Variants in PRKCE observed in about 807,000 individuals in gnomAD.
PRKCE encodes protein kinase C epsilon, also known as protein kinase C epsilon type.
PRKCE carries 16 observed loss-of-function variants against 85.4 expected under a neutral mutation model. The observed-to-expected ratio is 0.19, with a 90% CI of 0.13 to 0.28. PRKCE has a LOEUF of 0.28. Ranked by LOEUF, PRKCE falls within the 10% of genes least tolerant of loss-of-function variation. PRKCE has a pLI of 1.00. For missense variants in PRKCE, 573 were observed against 975.2 expected (o/e 0.59, Z 5.49); for synonymous variants, 388 against 371.5 (o/e 1.04, Z -0.51).
intron 1 of PRKCE, among the ~76,000 whole-genome samples, chr2:45,703,021 T>TCCG (rs1553382471): frequency 6.7e-6 from 1 of 150,082 alleles, no homozygotes; most frequent in South Asian, 2.1e-4. Flanking sequence ...AAGCCTTTTT[T>TCCG]CCCCCCCCGT....
intron 10 of PRKCE, among the ~76,000 whole-genome samples, chr2:46,030,410 C>A (rs560415042): frequency 6.6e-6 from 1 of 152,158 alleles, no homozygotes; most frequent in Non-Finnish European, 1.5e-5. Flanking sequence ...CCCAGAATAC[C>A]CCAAGTAGTG....
At chr2:46,014,167 A>G (rs1705927079) in intron 10 of PRKCE, among the ~76,000 whole-genome samples, 3 of 152,242 alleles carry the variant, frequency 2.0e-5, no homozygotes, top group South Asian at 4.1e-4. Flanking sequence ...AGACAGAACA[A>G]CAAATTAAGC....
chr2:46,001,650 T>G lies in PRKCE; in HGVS notation c.966+104T>G. 7.4e-7 allele frequency: 1 copy of G among 1,347,696 alleles called. No individual in the cohort carries two copies. Among genetic ancestry groups the G allele is most frequent in the Non-Finnish European group, 9.8e-7 (1 of 1,023,750 alleles). The allele number at this position is 1,347,696 out of a possible 1,614,324, so 83.5% of individuals were successfully genotyped here. A position where few individuals can be genotyped will look rare whatever the true frequency, so the allele number is the denominator to read the frequency against. On this transcript the variant is annotated intron_variant, in intron 7 of 14. Transcript: ENST00000306156. This position sits in a 1 kb window ranked among gnomAD's most constrained non-coding sequence, Gnocchi z 4.4. ...AGTGAGGTAATAAGATTCCTGGGTT[T>G]GAGGTATTTTACTCAGAACTGCAGT... is the stretch of plus-strand genomic sequence containing the variant.
intron 10 of PRKCE, among the ~76,000 whole-genome samples, chr2:46,080,379 G>T (rs1189551053): frequency 1.3e-5 from 2 of 152,170 alleles, no homozygotes; most frequent in Non-Finnish European, 2.9e-5. Context: ...ATGGAGCTTT[G>T]TTGAGTAGAA....
chr2:45,700,797 A>C (rs1377193308), intron 1 of PRKCE, among the ~76,000 whole-genome samples: 1 of 152,156 alleles, frequency 6.6e-6, no homozygotes, highest in Admixed American at 6.5e-5. Context: ...CGGATCCAAT[A>C]TGACTGGTGT....
intron 1 of PRKCE, among the ~76,000 whole-genome samples, chr2:45,703,910 T>C (rs145071039): frequency 6.6e-6 from 1 of 152,356 alleles, no homozygotes; most frequent in African/African-American, 2.4e-5. Flanking sequence ...ATATTACTGG[T>C]ATTGAAATGA....
At chr2:45,670,285 T>C (rs1348005161) in intron 1 of PRKCE, among the ~76,000 whole-genome samples, 1 of 152,164 alleles carries the variant, frequency 6.6e-6, no homozygotes, top group Admixed American at 6.5e-5. Context: ...ATAGGCTCCA[T>C]TTTTCTTTCT....
intron 11 of PRKCE, among the ~76,000 whole-genome samples, chr2:46,141,773 G>A (rs1043414461): frequency 2.0e-5 from 3 of 151,744 alleles, no homozygotes; most frequent in African/African-American, 7.3e-5. Context: ...AGTACACAGG[G>A]ACTAATATCT....
chr2:46,149,860 CTTT>C lies in PRKCE; in HGVS notation c.1732-1169_1732-1167del, dbSNP rs35154754. Among the ~76,000 whole-genome samples, 682 of 140,736 alleles carry C rather than the reference CTTT, an allele frequency of 4.8e-3. 10 individuals are homozygous for C. Among genetic ancestry groups the C allele is most frequent in the East Asian group, 4.1e-3 (20 of 4,900 alleles). The allele number at this position is 140,736 out of a possible 152,430, so 92.3% of individuals were successfully genotyped here. A position where few individuals can be genotyped will look rare whatever the true frequency, so the allele number is the denominator to read the frequency against. On this transcript the variant is annotated intron_variant, in intron 12 of 14. Coordinates refer to ENST00000306156, the MANE Select transcript of PRKCE (RefSeq NM_005400.3). Reference sequence around the variant, plus strand: ...ATAGAATAGCCAATCAGAAAAGATCCTTTTTTTTTTTTTTGAGATAGGGTCTCA... The same window carrying C: ...ATAGAATAGCCAATCAGAAAAGATCCTTTTTTTTTTTGAGATAGGGTCTCA...
rs190075291 is a variant in PRKCE, at chr2:45,964,663, G to A, written c.413-11766G>A. The stretch of plus-strand genomic sequence containing the variant: ...ATGAATGAATGAATATAGACTAGAG[G>A]CTAGCAGGCTTCCTGCTTAAGTGAA... On this transcript the variant is annotated intron_variant, in intron 2 of 14. Coordinates refer to ENST00000306156, the MANE Select transcript of PRKCE (RefSeq NM_005400.3). Among the ~76,000 whole-genome samples, 883 of 152,334 alleles carry A rather than the reference G, an allele frequency of 5.8e-3. 1 individual carries two copies. Among genetic ancestry groups the A allele is most frequent in the Non-Finnish European group, 9.9e-3 (672 of 68,032 alleles).
chr2:46,143,753 G>A (rs2053797), intron 11 of PRKCE, among the ~76,000 whole-genome samples: 26,680 of 152,162 alleles, frequency 0.18, 2,441 homozygotes, highest in Middle Eastern at 0.29. Flanking sequence ...TGGGCTCACT[G>A]TTCTTTCTGT....
chr2:46,150,495 C>T (rs1676515372), intron 12 of PRKCE, among the ~76,000 whole-genome samples: 1 of 152,078 alleles, frequency 6.6e-6, no homozygotes, highest in Admixed American at 6.5e-5. Flanking sequence ...ATAGGGAGAC[C>T]ATTACAGGGT....
chr2:45,677,397 C>G (rs1157741234), intron 1 of PRKCE, among the ~76,000 whole-genome samples: 3 of 144,860 alleles, frequency 2.1e-5, no homozygotes, highest in South Asian at 4.4e-4. Context: ...TCGCCCAGGC[C>G]GGACTGCGGA....
At chr2:45,717,096 C>T (rs1680193178) in intron 1 of PRKCE, among the ~76,000 whole-genome samples, 1 of 152,152 alleles carries the variant, frequency 6.6e-6, no homozygotes, top group African/African-American at 2.4e-5. Context: ...CATGGTGATG[C>T]CTCTGCTATC....
intron 1 of PRKCE, among the ~76,000 whole-genome samples, chr2:45,750,432 C>T (rs1683463886): frequency 6.6e-6 from 1 of 152,172 alleles, no homozygotes; most frequent in Admixed American, 6.5e-5. Context: ...GTTCCTCCTT[C>T]CCATACCAAA....
intron 2 of PRKCE, among the ~76,000 whole-genome samples, chr2:45,849,092 G>A (rs181260436): frequency 2.3e-4 from 35 of 152,308 alleles, no homozygotes; most frequent in African/African-American, 4.8e-4. Flanking sequence ...AAAGGCAGTC[G>A]TCAGTATTGC....
chr2:46,184,629 A>G lies in PRKCE; in HGVS notation c.2068-106A>G, dbSNP rs1680320399. ...GTGTCTGCTGTCTGTTGGTAGCTAG[A>G]GGCCTGCTTTGGTGACAGGCTGGTC... On this transcript the variant is annotated intron_variant, in intron 14 of 14. Coordinates refer to ENST00000306156, the MANE Select transcript of PRKCE (RefSeq NM_005400.3). This position sits in a 1 kb window ranked among gnomAD's most constrained non-coding sequence, Gnocchi z 5.0. 7.2e-7 allele frequency: 1 copy of G among 1,395,730 alleles called. No individual in the cohort carries two copies. The highest frequency in any genetic ancestry group is 1.4e-5 in the South Asian group (1 of 73,926). 86.5% of individuals were successfully genotyped at this position (1,395,730 alleles called of 1,614,324 possible). A position where few individuals can be genotyped will look rare whatever the true frequency, so the allele number is the denominator to read the frequency against.
At chr2:45,775,493 A>G (rs1685678437) in intron 1 of PRKCE, among the ~76,000 whole-genome samples, 1 of 152,188 alleles carries the variant, frequency 6.6e-6, no homozygotes, top group Non-Finnish European at 1.5e-5. Context: ...AAACATTTCC[A>G]TAGAGTTGTT....
chr2:45,879,370 A>G (rs1694713065), intron 2 of PRKCE, among the ~76,000 whole-genome samples: 2 of 152,152 alleles, frequency 1.3e-5, no homozygotes, highest in Non-Finnish European at 2.9e-5. Flanking sequence ...CACATTTACT[A>G]TCCTTCAATT....
Sources: allele counts gnomAD v4.1 joint callset (sites outside exome capture counted in the v4.1 genomes callset), GRCh38; gene constraint gnomAD v4.1.1; non-coding constraint Gnocchi (gnomAD v3.1); transcripts MANE v1.5; gene names NCBI Gene and HGNC (gene_info 2026-07-23, HGNC 2026-07-21).